The following CACNA1A variants were observed in gnomAD, a reference collection of about 807,000 sequenced individuals.
The protein encoded by CACNA1A is voltage-dependent P/Q-type calcium channel subunit alpha-1A.
In CACNA1A, 57 loss-of-function variants were observed where a neutral mutation model predicts 262.4. The ratio of observed to expected loss-of-function variants is 0.22; its 90% CI spans 0.18 to 0.27. The LOEUF (loss-of-function observed/expected upper bound fraction) is 0.27, where lower values mean the gene tolerates loss of function less well. Among genes scored for constraint, CACNA1A ranks in the 10% least tolerant of loss-of-function variants. The pLI is 1.00. For synonymous variants in CACNA1A, 1,431 were observed against 1,419.3 expected (o/e 1.01, Z -0.18); for missense variants, 2,526 against 3,562.8 (o/e 0.71, Z 7.41).
intron 9 of CACNA1A, among the ~76,000 whole-genome samples, chr19:13,330,563 G>GC (rs1369343764): frequency 4.0e-5 from 6 of 151,634 alleles, no homozygotes; most frequent in Non-Finnish European, 7.4e-5. Context: ...CCAGGTCTGG[G>GC]CCCTCAGCCA....
intron 30 of CACNA1A, among the ~76,000 whole-genome samples, chr19:13,247,713 A>AAATAAAT (rs2056284396): frequency 6.8e-6 from 1 of 146,628 alleles, no homozygotes; most frequent in Non-Finnish European, 1.5e-5. Flanking sequence ...TAAATAAATA[A>AAATAAAT]AAATAAATAA....
chr19:13,329,114 A>G (rs2058422208), intron 10 of CACNA1A, among the ~76,000 whole-genome samples: 1 of 152,190 alleles, frequency 6.6e-6, no homozygotes, highest in South Asian at 2.1e-4. Context: ...CTCACTTTAG[A>G]AGGTCAAAAT....
intron 46 of CACNA1A, among the ~76,000 whole-genome samples, chr19:13,208,278 A>C: frequency 1.4e-5 from 2 of 145,832 alleles, no homozygotes; most frequent in Admixed American, 6.9e-5. Flanking sequence ...GGAGTGAGAC[A>C]GGGAGGGGAG....
At position 13,450,139 on chromosome 19, in the gene CACNA1A, C is replaced by CAA. The variant is rs367559329; in HGVS notation, c.539+2735_539+2736dup. 4.9e-3 allele frequency among the ~76,000 whole-genome samples: 248 copies of CAA among 50,476 alleles called. 10 individuals carry two copies. The highest frequency in any genetic ancestry group is 9.1e-3 in the African/African-American group (142 of 15,628). 33.1% of individuals were successfully genotyped at this position (50,476 alleles called of 152,430 possible). The stretch of plus-strand genomic sequence containing the variant: ...CTGGGTGACAGAGGGAGACTCTTGT[C>CAA]AAAAAAAAAAAAAAAAAAAAAAAGA... On this transcript the variant is annotated intron_variant, in intron 3 of 46. Transcript: ENST00000360228.
chr19:13,210,522 G>A (rs888838378), intron 44 of CACNA1A, 95 bp downstream of exon 44: 18 of 1,137,960 alleles, frequency 1.6e-5, no homozygotes, highest in Admixed American at 6.6e-5. Flanking sequence ...GGTGGGGTCC[G>A]GGGACGGTGA....
intron 3 of CACNA1A, among the ~76,000 whole-genome samples, chr19:13,390,512 G>A (rs951139860): frequency 2.6e-5 from 4 of 152,132 alleles, no homozygotes; most frequent in Non-Finnish European, 5.9e-5. Flanking sequence ...GTCACCTGTG[G>A]GTTTTGAGCA....
chr19:13,495,310 A>T (rs6511870), intron 1 of CACNA1A, among the ~76,000 whole-genome samples: 108,920 of 151,888 alleles, frequency 0.72, 40,037 homozygotes, highest in African/African-American at 0.88. Flanking sequence ...TTATTTATTT[A>T]TTTTGAGATG....
rs1234101091 is a variant in CACNA1A, at chr19:13,261,443, G to A, written c.4250+7C>T. On this transcript the variant is annotated splice_region_variant and intron_variant, in intron 26 of 46. Transcript: ENST00000360228. The stretch of plus-strand genomic sequence containing the variant: ...CAATGGGAATGTGCTGGAAAGTGGA[G>A]ACCCACCGACAATCTTTCTCAAACT... 1 of 1,563,466 alleles carries A rather than the reference G, an allele frequency of 6.4e-7. No individual in the cohort carries two copies. Among genetic ancestry groups the A allele is most frequent in the Admixed American group, 1.9e-5 (1 of 52,130 alleles).
At chr19:13,313,498 TAA>T (rs1007419624) in intron 11 of CACNA1A, among the ~76,000 whole-genome samples, 12 of 65,708 alleles carry the variant, frequency 1.8e-4, no homozygotes, top group Non-Finnish European at 2.4e-4. Context: ...AGACCTTGTC[TAA>T]AAAAAAAAAA....
chr19:13,299,115 C>G lies in CACNA1A; in HGVS notation c.2518G>C (p.Ala840Pro). Residue 840 changes from alanine (A) to proline (P), a missense_variant, in exon 19 of 47, where the codon GCG (alanine) becomes CCG (proline). By Grantham distance (27) the Ala-to-Pro change is conservative. Coordinates refer to ENST00000360228, the MANE Select transcript of CACNA1A (RefSeq NM_001127222.2). The part of the protein sequence containing the change: ...NRNNNTNKSR[A>P]AEPTVDQRLG... ...CGCTGGTCCACGGTGGGCTCGGCCG[C>G]CCGGCTCTTGTTGGTGTTGTTGTTG... 1 of 1,612,678 alleles carries G rather than the reference C, an allele frequency of 6.2e-7. No homozygotes were observed. Among genetic ancestry groups the G allele is most frequent in the Non-Finnish European group, 8.5e-7 (1 of 1,179,730 alleles).
chr19:13,358,820 C>T (rs1187689067), intron 6 of CACNA1A, among the ~76,000 whole-genome samples: 1 of 152,166 alleles, frequency 6.6e-6, no homozygotes, highest in Admixed American at 6.5e-5. Flanking sequence ...ATATACCTTC[C>T]TTTACACTTT....
intron 3 of CACNA1A, among the ~76,000 whole-genome samples, chr19:13,449,692 AAAATAGGTAGCATATATTTCTTATATAC>A (rs2060880500): frequency 6.6e-6 from 1 of 152,190 alleles, no homozygotes; most frequent in Admixed American, 6.5e-5. Flanking sequence ...TTGAAGTGTA[AAAATAGGTAGCATATATTTCTTATATAC>A]TTAGGCAGCC....
chr19:13,235,424 C>T (rs1469730686), intron 32 of CACNA1A, 150 bp from the exon 33 acceptor site: 1 of 857,642 alleles, frequency 1.2e-6, no homozygotes, highest in African/African-American at 1.7e-5. Flanking sequence ...TCTCTGGGGG[C>T]TCTAGGATGA....
chr19:13,405,444 A>T (rs1171386053), intron 3 of CACNA1A, among the ~76,000 whole-genome samples: 1 of 151,500 alleles, frequency 6.6e-6, no homozygotes, highest in Non-Finnish European at 1.5e-5. Flanking sequence ...GTGCTCAAGC[A>T]ATCAGCCTGC....
At chr19:13,278,078 T>TC in intron 22 of CACNA1A, 1 of 131,734 alleles carries the variant, frequency 7.6e-6, no homozygotes, top group African/African-American at 3.1e-5. Context: ...ACAGAGACTG[T>TC]CTAAAAAAAA....
chr19:13,461,026 T>C (rs2061112093), intron 1 of CACNA1A, among the ~76,000 whole-genome samples: 1 of 152,072 alleles, frequency 6.6e-6, no homozygotes, highest in African/African-American at 2.4e-5. Context: ...GCATTCTCTA[T>C]ATAGTAGATG....
chr19:13,261,201 C>T (rs1210696178), intron 26 of CACNA1A: 1 of 446,778 alleles, frequency 2.2e-6, no homozygotes, highest in African/African-American at 2.0e-5. Context: ...ATTAATATCC[C>T]TCACATGACA....
rs370694321 is a variant in CACNA1A, at chr19:13,446,066, G to A, written c.539+6810C>T. Among the ~76,000 whole-genome samples the A allele has an allele frequency of 1.3e-3, 199 of 152,068 alleles. 1 individual carries two copies. Among genetic ancestry groups the A allele is most frequent in the East Asian group, 0.013 (66 of 5,168 alleles). ...GAGGTGGGCAGATCACCTGAGGTCC[G>A]GAGTTCGAGACCAGTCTGGCTGATA... On this transcript the variant is annotated intron_variant, in intron 3 of 46. Coordinates refer to ENST00000360228, the MANE Select transcript of CACNA1A (RefSeq NM_001127222.2).
chr19:13,332,880 T>C lies in CACNA1A; in HGVS notation c.1244A>G (p.His415Arg). 3.7e-6 allele frequency: 6 copies of C among 1,611,856 alleles called. No homozygotes were observed. Among genetic ancestry groups the C allele is most frequent in the Non-Finnish European group, 5.1e-6 (6 of 1,178,188 alleles). ...AEDETDGEQRHPFDALRRTTI... is the reference protein window; with the variant it reads ...AEDETDGEQRRPFDALRRTTI... The stretch of plus-strand genomic sequence containing the variant: ...TTTAGAGCAGTTACCATCAAAGGGA[T>C]GCCTCTGCTCCCCGTCAGTTTCATC... Residue 415 changes from histidine (H) to arginine (R), a missense_variant, in exon 9 of 47, where the codon CAT (histidine) becomes CGT (arginine). By Grantham distance (29) the His-to-Arg change is conservative (BLOSUM62 0). Around this residue, in one of 17 missense-constraint regions of CACNA1A, gnomAD observed 104 missense variants for 127.6 expected, o/e 0.81. Transcript: ENST00000360228.
Sources: allele counts gnomAD v4.1 joint callset (sites outside exome capture counted in the v4.1 genomes callset), GRCh38; gene constraint gnomAD v4.1.1; regional missense constraint gnomAD v4.1.1; transcripts MANE v1.5; gene names NCBI Gene and HGNC (gene_info 2026-07-23, HGNC 2026-07-21).